TRIM59: variants seen among roughly 807,000 people sequenced by gnomAD.
The protein encoded by TRIM59 is tripartite motif-containing protein 59.
A neutral mutation model predicts 32.2 loss-of-function variants in TRIM59; 14 were observed. The observed-to-expected ratio is 0.43, with a 90% CI of 0.29 to 0.68. TRIM59 has a LOEUF of 0.68. TRIM59 is among the 30% of genes least tolerant of loss of function. The probability of loss-of-function intolerance (pLI) is 0.15; values close to 1 mark genes in which losing one functional copy is unlikely to be tolerated. For missense variants in TRIM59, 471 were observed against 463.3 expected, an observed-to-expected ratio of 1.02 and a Z score of -0.15; for synonymous variants, 163 against 155.1, an observed-to-expected ratio of 1.05 and a Z score of -0.38.
Position 160,444,297 on chromosome 3 carries a change from T to C in TRIM59, c.-4+4429A>G, listed in dbSNP as rs574460674. ...GAAATGTTAAAGCAGATAAAAGTGA[T>C]GGCTTCTAGAGGGAAAGAATCTGTT... On this transcript the variant is annotated intron_variant, in intron 2 of 2. Coordinates refer to ENST00000309784, the MANE Select transcript of TRIM59 (RefSeq NM_173084.3). Among the ~76,000 whole-genome samples, 19 of 152,320 alleles carry C rather than the reference T, an allele frequency of 1.2e-4. No individual in the cohort carries two copies. The South Asian group carries it at 3.5e-3, about 28-fold the overall frequency.
chr3:160,445,923 C>A (rs966030235), intron 2 of TRIM59, among the ~76,000 whole-genome samples: 1 of 152,064 alleles, frequency 6.6e-6, no homozygotes, highest in Non-Finnish European at 1.5e-5. Context: ...AAACAATCCT[C>A]CCAGCTCAGC....
chr3:160,437,159 C>G lies in TRIM59; in HGVS notation c.*813G>C. On this transcript the variant is annotated 3_prime_UTR_variant, in exon 3 of 3. Transcript: ENST00000309784. ...TTGAGCCCAGAAGTTTGAGACCAAC[C>G]TGGGCAATATGGCAAAACCTCGTTT... is the stretch of plus-strand genomic sequence containing the variant. 4 of 782,950 alleles carry G rather than the reference C, an allele frequency of 5.1e-6. No individual in the cohort carries two copies. Among genetic ancestry groups the G allele is most frequent in the South Asian group, 5.8e-5 (1 of 17,146 alleles). The allele number at this position is 782,950 out of a possible 1,614,324, so 48.5% of individuals were successfully genotyped here.
rs1211047523 is a variant in TRIM59, at chr3:160,438,259, G to A, written c.925C>T (p.Pro309Ser). ...NVLIPKMKIS[P>S]KRMSCSWPGK... is the part of the protein sequence containing the mutation. ...GGCCAGGAACATGACATCCTTTTTG[G>A]AGAAATTTTCATTTTGGGAATGAGA... The change falls in exon 3 of 3, where the codon CCA becomes TCA. Residue 309 changes from proline (P) to serine (S), a missense_variant. By Grantham distance (74) the Pro-to-Ser change is moderately conservative. Coordinates refer to ENST00000309784, the MANE Select transcript of TRIM59 (RefSeq NM_173084.3). 2.5e-6 allele frequency: 4 copies of A among 1,613,476 alleles called. No homozygotes were observed. The highest frequency in any genetic ancestry group is 2.7e-5 in the African/African-American group (2 of 74,880).
chr3:160,438,779 T>C lies in TRIM59; in HGVS notation c.405A>G (p.Gln135=), dbSNP rs758933583. The C allele has an allele frequency of 2.3e-5, 37 of 1,613,900 alleles. No individual in the cohort carries two copies. Among genetic ancestry groups the C allele is most frequent in the African/African-American group, 4.0e-5 (3 of 74,906 alleles). Reference sequence around the variant, plus strand: ...TGTCCTTTTCTTTCAAATAGGCACTTTGAAGGTCATCTATAGGATGACCAT... The same window carrying C: ...TGTCCTTTTCTTTCAAATAGGCACTCTGAAGGTCATCTATAGGATGACCAT... ...QHHGHPIDDL[Q]SAYLKEKDTP... is the part of the protein sequence containing the mutation. Residue 135 remains glutamine (Q), a synonymous_variant, in exon 3 of 3, where the codon CAA becomes CAG. Coordinates refer to ENST00000309784, the MANE Select transcript of TRIM59 (RefSeq NM_173084.3).
rs1718916096 is a variant in TRIM59, at chr3:160,435,919, A to C, written c.*2053T>G. On this transcript the variant is annotated 3_prime_UTR_variant, in exon 3 of 3. Coordinates refer to ENST00000309784, the MANE Select transcript of TRIM59 (RefSeq NM_173084.3). ...TACAAAAAGGGGGTTAAAAATATTC[A>C]CATCACAGAAATGAGATTAAGTAGT... 1.6e-6 allele frequency: 2 copies of C among 1,279,868 alleles called. No homozygotes were observed. Among genetic ancestry groups the C allele is most frequent in the African/African-American group, 1.5e-5 (1 of 65,624 alleles). The allele number at this position is 1,279,868 out of a possible 1,614,324, so 79.3% of individuals were successfully genotyped here. A position where few individuals can be genotyped will look rare whatever the true frequency, so the allele number is the denominator to read the frequency against.
intron 2 of TRIM59, among the ~76,000 whole-genome samples, chr3:160,441,463 C>T (rs1221481248): frequency 6.6e-6 from 1 of 152,012 alleles, no homozygotes. Flanking sequence ...TCAGAAAATA[C>T]TCCATTCAGG....
In TRIM59 at chr3:160,438,188, A is replaced by C. The variant is rs754777966; in HGVS notation, c.996T>G (p.Ile332Met). 2.5e-6 allele frequency: 4 copies of C among 1,612,692 alleles called. No homozygotes were observed. Among genetic ancestry groups the C allele is most frequent in the African/African-American group, 1.3e-5 (1 of 74,814 alleles). ...TTACTGAAATTAATGTAACTACAAC[A>C]ATGTTTAAAATTTTTAAAAATTCAA... ...KEVEFLKILN[I>M]VVVTLISVIL... Residue 332 changes from isoleucine (I) to methionine (M), a missense_variant, in exon 3 of 3, where the codon ATT (isoleucine) becomes ATG (methionine). Physicochemically the swap from Ile to Met is conservative, Grantham distance 10. Coordinates refer to ENST00000309784, the MANE Select transcript of TRIM59 (RefSeq NM_173084.3).
Position 160,449,759 on chromosome 3 carries a change from A to T in TRIM59, c.-116T>A, listed in dbSNP as rs1719727703. ...CCAGGCAACTCCACAGCACGGAAAC[A>T]CAGCGCCACGAGCTCCAGGCGGATG... On this transcript the variant is annotated 5_prime_UTR_variant, in exon 1 of 3. Transcript: ENST00000309784. 2 of 1,284,564 alleles carry T rather than the reference A, an allele frequency of 1.6e-6. No homozygotes were observed. Among genetic ancestry groups the T allele is most frequent in the Non-Finnish European group, 2.0e-6 (2 of 984,250 alleles). 79.6% of individuals were successfully genotyped at this position (1,284,564 alleles called of 1,614,324 possible). A position where few individuals can be genotyped will look rare whatever the true frequency, so the allele number is the denominator to read the frequency against.
At chr3:160,439,560 C>T (rs994686901) in intron 2 of TRIM59, among the ~76,000 whole-genome samples, 5 of 152,124 alleles carry the variant, frequency 3.3e-5, no homozygotes, top group Non-Finnish European at 7.4e-5. Context: ...AGGGACTCAG[C>T]GGTAGATAAC....
chr3:160,446,765 C>CCAAT lies in TRIM59; in HGVS notation c.-4+1960_-4+1961insATTG, dbSNP rs545059240. 1.2e-4 allele frequency among the ~76,000 whole-genome samples: 18 copies of CCAAT among 152,306 alleles called. No individual in the cohort carries two copies. In the South Asian group the frequency reaches 3.5e-3, roughly 30 times the overall value. ...GAGCCCACCTGAGCTCCGCCTCCTG[C>CCAAT]CAGTGTCAGCATTAGATTCTCATAA... On this transcript the variant is annotated intron_variant, in intron 2 of 2. Transcript: ENST00000309784.
In TRIM59 at chr3:160,437,914, C is replaced by T. The variant is rs567328028; in HGVS notation, c.*58G>A. 1 of 1,439,596 alleles carries T rather than the reference C, an allele frequency of 6.9e-7. No individual in the cohort carries two copies. The highest frequency in any genetic ancestry group is 9.1e-7 in the Non-Finnish European group (1 of 1,097,414). The allele number at this position is 1,439,596 out of a possible 1,614,324, so 89.2% of individuals were successfully genotyped here. A position where few individuals can be genotyped will look rare whatever the true frequency, so the allele number is the denominator to read the frequency against. ...AGTTTGCTCTTTATCCATGCTACCC[C>T]ATTTTTTGTTTAGCAATGTACAGAA... On this transcript the variant is annotated 3_prime_UTR_variant, in exon 3 of 3. Coordinates refer to ENST00000309784, the MANE Select transcript of TRIM59 (RefSeq NM_173084.3).
rs1057196927 is a variant in TRIM59, at chr3:160,435,742, C to A, written c.*2230G>T. On this transcript the variant is annotated 3_prime_UTR_variant, in exon 3 of 3. Coordinates refer to ENST00000309784, the MANE Select transcript of TRIM59 (RefSeq NM_173084.3). ...AAATCTAAAATGATATATATACTTA[C>A]GTTTTTAGCATTCTTACAGATTACA... 2.1e-5 allele frequency: 7 copies of A among 336,154 alleles called. No individual in the cohort carries two copies. The highest frequency in any genetic ancestry group is 1.3e-4 in the African/African-American group (6 of 45,958). 20.8% of individuals were successfully genotyped at this position (336,154 alleles called of 1,614,324 possible). A position where few individuals can be genotyped will look rare whatever the true frequency, so the allele number is the denominator to read the frequency against.
intron 2 of TRIM59, among the ~76,000 whole-genome samples, chr3:160,447,145 TA>T (rs954466386): frequency 1.4e-4 from 19 of 135,976 alleles, no homozygotes; most frequent in Admixed American, 7.8e-4. Context: ...TTTTACACAA[TA>T]AAAAAAAAAC....
At position 160,437,459 on chromosome 3, in the gene TRIM59, AAC is replaced by A. The variant is rs928189659; in HGVS notation, c.*511_*512del. On this transcript the variant is annotated 3_prime_UTR_variant, in exon 3 of 3. Transcript: ENST00000309784. Reference sequence around the variant, plus strand: ...ATTTAGGGCTCTTAAATCTATCTCAAACACAGGTATGTTTGATCAAAAGATCT... The same window carrying A: ...ATTTAGGGCTCTTAAATCTATCTCAAACAGGTATGTTTGATCAAAAGATCT... 3.0e-5 allele frequency: 30 copies of A among 985,304 alleles called. No homozygotes were observed. Among genetic ancestry groups the A allele is most frequent in the South Asian group, 4.7e-5 (1 of 21,286 alleles). 61.0% of individuals were successfully genotyped at this position (985,304 alleles called of 1,614,324 possible).
chr3:160,441,587 A>G (rs1449137323), intron 2 of TRIM59, among the ~76,000 whole-genome samples: 1 of 151,924 alleles, frequency 6.6e-6, no homozygotes, highest in East Asian at 1.9e-4. Context: ...CCCCGTCTCT[A>G]CTAAAAATAC....
At chr3:160,446,785 T>G (rs1414748535) in intron 2 of TRIM59, among the ~76,000 whole-genome samples, 2 of 152,176 alleles carry the variant, frequency 1.3e-5, no homozygotes, top group East Asian at 1.9e-4. Flanking sequence ...CATTAGATTC[T>G]CATAACAGCG....
chr3:160,436,491 A>T lies in TRIM59; in HGVS notation c.*1481T>A. On this transcript the variant is annotated 3_prime_UTR_variant, in exon 3 of 3. Coordinates refer to ENST00000309784, the MANE Select transcript of TRIM59 (RefSeq NM_173084.3). ...TTTGATTTAATTGGCCCTCTTAAGCAAAGCTAATAAAAGATTAAGTTGTTG... is the reference window on the plus strand; with the variant it reads ...TTTGATTTAATTGGCCCTCTTAAGCTAAGCTAATAAAAGATTAAGTTGTTG... 1 of 985,814 alleles carries T rather than the reference A, an allele frequency of 1.0e-6. No homozygotes were observed. Among genetic ancestry groups the T allele is most frequent in the Non-Finnish European group, 1.2e-6 (1 of 829,952 alleles). 61.1% of individuals were successfully genotyped at this position (985,814 alleles called of 1,614,324 possible).
At position 160,436,654 on chromosome 3, in the gene TRIM59, T is replaced by A; in HGVS notation, c.*1318A>T. The A allele has an allele frequency of 1.7e-6, 1 of 586,682 alleles. No homozygotes were observed. The allele number at this position is 586,682 out of a possible 1,614,324, so 36.3% of individuals were successfully genotyped here. On this transcript the variant is annotated 3_prime_UTR_variant, in exon 3 of 3. Coordinates refer to ENST00000309784, the MANE Select transcript of TRIM59 (RefSeq NM_173084.3). ...TCTACTAAAAATACAGAAAATTAGC[T>A]GGGCGTGGTAGCAGATGCCTGTAGT...
In TRIM59 at chr3:160,438,565, G is replaced by C. The variant is rs778384623; in HGVS notation, c.619C>G (p.Leu207Val). ...EQKKKSFLTA[L>V]CDVGNLINQE... Reference sequence around the variant, plus strand: ...TTAATTAGATTGCCAACATCACAGAGAGCCGTTAGGAAACTTTTTTTTTTC... The same window carrying C: ...TTAATTAGATTGCCAACATCACAGACAGCCGTTAGGAAACTTTTTTTTTTC... The change falls in exon 3 of 3, where the codon CTC (leucine) becomes GTC (valine). Residue 207 changes from leucine to valine, a missense_variant. Leu to Val is a conservative substitution (Grantham distance 32). Transcript: ENST00000309784. The C allele has an allele frequency of 1.9e-6, 3 of 1,610,824 alleles. No individual in the cohort carries two copies. Among genetic ancestry groups the C allele is most frequent in the South Asian group, 2.2e-5 (2 of 89,898 alleles).
Sources: allele counts gnomAD v4.1 joint callset (sites outside exome capture counted in the v4.1 genomes callset), GRCh38; gene constraint gnomAD v4.1.1; transcripts MANE v1.5; gene names NCBI Gene and HGNC (gene_info 2026-07-23, HGNC 2026-07-21).